TECPR2: variants seen among roughly 807,000 people sequenced by gnomAD.
TECPR2 encodes the protein tectonin beta-propeller repeat-containing protein 2.
In TECPR2, 65 loss-of-function variants were observed where a neutral mutation model predicts 138.1. That is an observed-to-expected ratio of 0.47 (90% CI 0.39 to 0.58). The LOEUF (loss-of-function observed/expected upper bound fraction) is 0.58, where lower values mean the gene tolerates loss of function less well. Ranked by LOEUF, TECPR2 falls within the 20% of genes least tolerant of loss-of-function variation. The pLI is 0.00. For synonymous variants in TECPR2, 746 were observed against 749.8 expected (o/e 0.99, Z 0.08); for missense variants, 1,553 against 1,824.5 (o/e 0.85, Z 2.71).
chr14:102,376,774 A>T lies in TECPR2; in HGVS notation c.53A>T (p.Tyr18Phe), dbSNP rs150645913. The T allele has an allele frequency of 6.2e-7, 1 of 1,614,058 alleles. No individual in the cohort carries two copies. The highest frequency in any genetic ancestry group is 1.3e-5 in the African/African-American group (1 of 74,912). Reference sequence around the variant, plus strand: ...TTCAGAGAGTTCTGCCCGTTGTACTATCTCCTCAATGCCATTCCGACAAAG... The same window carrying T: ...TTCAGAGAGTTCTGCCCGTTGTACTTTCTCCTCAATGCCATTCCGACAAAG... ...VTFREFCPLY[Y>F]LLNAIPTKIQ... The change falls in exon 2 of 20, where the codon TAT becomes TTT. Residue 18 changes from tyrosine to phenylalanine, a missense_variant. Tyr to Phe is a conservative substitution (Grantham distance 22). Coordinates refer to ENST00000359520, the MANE Select transcript of TECPR2 (RefSeq NM_014844.5).
chr14:102,377,144 A>G (rs1179712858), intron 2 of TECPR2, among the ~76,000 whole-genome samples: 1 of 152,200 alleles, frequency 6.6e-6, no homozygotes, highest in Non-Finnish European at 1.5e-5. Context: ...CCTGCCTCCA[A>G]AAATCTAACA....
chr14:102,493,011 G>A (rs1363187806), intron 17 of TECPR2, among the ~76,000 whole-genome samples: 2 of 152,216 alleles, frequency 1.3e-5, no homozygotes, highest in Non-Finnish European at 2.9e-5. Context: ...CCGCTCACGA[G>A]CACTTCTCCG....
Position 102,435,229 on chromosome 14 carries a change from G to C in TECPR2, c.2394+18G>C. ...CAGATCAGGTATGTGGGTTCGGGTG[G>C]TGGGAAAAGTAGCTGAGGCTTCTTT... On this transcript the variant is annotated intron_variant, in intron 9 of 19. Transcript: ENST00000359520. 1 of 1,571,602 alleles carries C rather than the reference G, an allele frequency of 6.4e-7. No homozygotes were observed.
chr14:102,372,559 G>A (rs72698591), intron 1 of TECPR2, among the ~76,000 whole-genome samples: 36,682 of 152,072 alleles, frequency 0.24, 5,540 homozygotes, highest in East Asian at 0.32. Flanking sequence ...GAGACACCGC[G>A]CCCAGCCTTC....
At chr14:102,371,544 C>T (rs188406396) in intron 1 of TECPR2, among the ~76,000 whole-genome samples, 2 of 152,192 alleles carry the variant, frequency 1.3e-5, no homozygotes, top group Non-Finnish European at 2.9e-5. Context: ...GGGCACCTGG[C>T]CCCCAGGCAT....
chr14:102,415,969 C>T lies in TECPR2; in HGVS notation c.638+1176C>T, dbSNP rs947241103. On this transcript the variant is annotated intron_variant, in intron 5 of 19. Coordinates refer to ENST00000359520, the MANE Select transcript of TECPR2 (RefSeq NM_014844.5). This position sits in a 1 kb window ranked among gnomAD's most constrained non-coding sequence, Gnocchi z 4.3. ...GTGAGGCGGAGCCAGCCCCTGTGGT[C>T]GTAGTCACTGCCCGTTATTCTGTGT... Among the ~76,000 whole-genome samples the T allele has an allele frequency of 9.9e-5, 15 of 152,102 alleles. No homozygotes were observed. The highest frequency in any genetic ancestry group is 2.2e-4 in the Non-Finnish European group (15 of 68,026).
At chr14:102,411,337 C>CACGT (rs1217357631) in intron 4 of TECPR2, among the ~76,000 whole-genome samples, 3 of 152,216 alleles carry the variant, frequency 2.0e-5, no homozygotes, top group Admixed American at 6.5e-5. Context: ...CTGTGACTTC[C>CACGT]ACGTACGTAT....
At position 102,428,530 on chromosome 14, in the gene TECPR2, G is replaced by C. The variant is rs1460296195; in HGVS notation, c.1084+148G>C. ...AATCCCAGCACTTTGGGAGGCTGAG[G>C]TGGGTGGATCGCTTAAGCTCAGGAC... On this transcript the variant is annotated intron_variant, in intron 7 of 19. Transcript: ENST00000359520. 7.0e-5 allele frequency: 88 copies of C among 1,250,222 alleles called. No individual in the cohort carries two copies. In the East Asian group the frequency reaches 2.2e-3, roughly 31 times the overall value. The allele number at this position is 1,250,222 out of a possible 1,614,324, so 77.4% of individuals were successfully genotyped here. A position where few individuals can be genotyped will look rare whatever the true frequency, so the allele number is the denominator to read the frequency against.
In TECPR2 at chr14:102,408,719, T is replaced by C. The variant is rs1050352760; in HGVS notation, c.480+100T>C. The C allele has an allele frequency of 3.0e-5, 38 of 1,247,188 alleles. No individual in the cohort carries two copies. The East Asian group carries it at 9.1e-4, about 30-fold the overall frequency. The allele number at this position is 1,247,188 out of a possible 1,614,324, so 77.3% of individuals were successfully genotyped here. On this transcript the variant is annotated intron_variant, in intron 4 of 19. Transcript: ENST00000359520. ...TTTAGTCAACTTGTATTCTTGATCA[T>C]CATCCCTTTATAATCTCAATTGTTA...
chr14:102,435,187 C>T lies in TECPR2; in HGVS notation c.2370C>T (p.Asp790=), dbSNP rs775511129. Residue 790 remains aspartate (D), a synonymous_variant, in exon 9 of 20, where the codon GAC becomes GAT. Coordinates refer to ENST00000359520, the MANE Select transcript of TECPR2 (RefSeq NM_014844.5). ...ACCTGAGCCGGCTGGGTGCAGAGGA[C>T]GCCGGGCTGCTCAAGCCAGATCAGG... is the stretch of plus-strand genomic sequence containing the variant. ...QQDLSRLGAE[D]AGLLKPDQFA... The T allele has an allele frequency of 4.4e-5, 71 of 1,610,978 alleles. No homozygotes were observed. Among genetic ancestry groups the T allele is most frequent in the Admixed American group, 2.3e-4 (14 of 59,982 alleles).
chr14:102,487,784 G>A (rs1341191678), intron 17 of TECPR2, among the ~76,000 whole-genome samples: 3 of 150,066 alleles, frequency 2.0e-5, no homozygotes, highest in Non-Finnish European at 4.4e-5. Flanking sequence ...CTCGTGATCC[G>A]CCCACCTCGG....
chr14:102,481,059 G>A (rs998917982), intron 17 of TECPR2, among the ~76,000 whole-genome samples: 15 of 148,658 alleles, frequency 1.0e-4, no homozygotes, highest in African/African-American at 3.0e-4. Context: ...TCACCCAGGC[G>A]CGTAGTGCAG....
At chr14:102,488,835 T>A (rs1441964718) in intron 17 of TECPR2, among the ~76,000 whole-genome samples, 1 of 152,116 alleles carries the variant, frequency 6.6e-6, no homozygotes, top group African/African-American at 2.4e-5. Context: ...TGACAGTACA[T>A]TTGCAATGTT....
rs141078176 is a variant in TECPR2, at chr14:102,425,054, C to T, written c.714C>T (p.Pro238=). 298 of 1,613,968 alleles carry T rather than the reference C, an allele frequency of 1.8e-4. No individual in the cohort carries two copies. The highest frequency in any genetic ancestry group is 2.4e-4 in the Non-Finnish European group (278 of 1,180,040). The change falls in exon 6 of 20, where the codon CCC becomes CCT. Residue 238 remains proline, a synonymous_variant. Coordinates refer to ENST00000359520, the MANE Select transcript of TECPR2 (RefSeq NM_014844.5). The stretch of plus-strand genomic sequence containing the variant: ...ATCTAACCTTGTATGCGTCACGGCC[C>T]GGGCTCCGGCTATGGAAGGCTGATG... ...QSDLTLYASR[P]GLRLWKADVH... is the part of the protein sequence containing the mutation.
At chr14:102,376,285 C>G (rs905326792) in intron 1 of TECPR2, among the ~76,000 whole-genome samples, 3 of 152,206 alleles carry the variant, frequency 2.0e-5, no homozygotes, top group Non-Finnish European at 2.9e-5. Flanking sequence ...ACTGATCTCT[C>G]TCTCCTCATG....
intron 5 of TECPR2, among the ~76,000 whole-genome samples, chr14:102,422,463 G>A (rs941511076): frequency 2.6e-5 from 4 of 152,124 alleles, no homozygotes; most frequent in African/African-American, 9.7e-5. Context: ...TGAGTAGGAC[G>A]TACTGTACCA....
At chr14:102,403,548 T>C (rs1888555980) in intron 2 of TECPR2, among the ~76,000 whole-genome samples, 1 of 152,106 alleles carries the variant, frequency 6.6e-6, no homozygotes, top group African/African-American at 2.4e-5. Flanking sequence ...GAAAAAGAAA[T>C]TAAGAGGCAT....
intron 16 of TECPR2, among the ~76,000 whole-genome samples, chr14:102,454,819 G>T (rs1200234479): frequency 1.3e-5 from 2 of 152,230 alleles, no homozygotes; most frequent in African/African-American, 4.8e-5. Context: ...AAGCAGAACT[G>T]CTTCCCTTGC....
At chr14:102,450,484 G>A (rs770977536) in intron 14 of TECPR2, 76 bp from the exon 15 acceptor site, 37 of 1,442,466 alleles carry the variant, frequency 2.6e-5, no homozygotes, top group South Asian at 1.4e-4. Flanking sequence ...GCCAGCTGTC[G>A]TCCAGAACTA....
Sources: allele counts gnomAD v4.1 joint callset (sites outside exome capture counted in the v4.1 genomes callset), GRCh38; gene constraint gnomAD v4.1.1; non-coding constraint Gnocchi (gnomAD v3.1); transcripts MANE v1.5; gene names NCBI Gene and HGNC (gene_info 2026-07-23, HGNC 2026-07-21).